NCOA1: variants seen among roughly 807,000 people sequenced by gnomAD.
NCOA1 encodes the protein Hin-2 protein.
NCOA1 carries 35 observed loss-of-function variants against 150.9 expected under a neutral mutation model. That is an observed-to-expected ratio of 0.23 (90% CI 0.18 to 0.31). The LOEUF is 0.31. Ranked by LOEUF, NCOA1 falls within the 10% of genes least tolerant of loss-of-function variation. The probability of loss-of-function intolerance (pLI) is 1.00; values close to 1 mark genes in which losing one functional copy is unlikely to be tolerated. For missense variants in NCOA1, 1,491 were observed against 1,749.3 expected (o/e 0.85, Z 2.63); for synonymous variants, 590 against 630.0 (o/e 0.94, Z 0.95).
rs544888353 is a variant in NCOA1, at chr2:24,500,116, C to CT, written c.-396+8523dup. On this transcript the variant is annotated intron_variant, in intron 1 of 22. Transcript: ENST00000348332. ...AGTTTCTTTTTTTCTTTCTTTCTTT[C>CT]TTTTTTTTTGAGAAGGAGTTTCGCT... Among the ~76,000 whole-genome samples, 13 of 151,164 alleles carry CT rather than the reference C, an allele frequency of 8.6e-5. No homozygotes were observed. The South Asian group carries it at 1.5e-3, about 17-fold the overall frequency.
chr2:24,705,628 A>G (rs2289392), intron 12 of NCOA1, among the ~76,000 whole-genome samples: 77,867 of 151,964 alleles, frequency 0.51, 21,515 homozygotes, highest in Admixed American at 0.67. Context: ...CAAGTTGACA[A>G]TTTCTCACAG....
intron 7 of NCOA1, among the ~76,000 whole-genome samples, chr2:24,681,243 A>G (rs1672149636): frequency 6.6e-6 from 1 of 152,210 alleles, no homozygotes; most frequent in South Asian, 2.1e-4. Flanking sequence ...ACATGCCTGT[A>G]ATCCCAGCTA....
At chr2:24,666,302 C>G (rs1671425433) in intron 6 of NCOA1, among the ~76,000 whole-genome samples, 1 of 152,086 alleles carries the variant, frequency 6.6e-6, no homozygotes, top group South Asian at 2.1e-4. Context: ...GCGTGAGCCA[C>G]CGCACCTGGC....
At chr2:24,551,355 C>G (rs768142895) in intron 1 of NCOA1, among the ~76,000 whole-genome samples, 2 of 151,988 alleles carry the variant, frequency 1.3e-5, no homozygotes, top group African/African-American at 2.4e-5. Flanking sequence ...GTCCTGAAAA[C>G]AAGTCCTTCA....
chr2:24,722,607 G>C (rs1333639009), intron 14 of NCOA1, among the ~76,000 whole-genome samples: 2 of 152,088 alleles, frequency 1.3e-5, no homozygotes, highest in Non-Finnish European at 2.9e-5. Flanking sequence ...TTTAAGCATT[G>C]ACATCACTGG....
intron 14 of NCOA1, among the ~76,000 whole-genome samples, chr2:24,723,223 T>G (rs1490275124): frequency 4.6e-5 from 7 of 152,318 alleles, no homozygotes; most frequent in African/African-American, 1.2e-4. Context: ...CATTAGCTGT[T>G]CTGTATCTTA....
At chr2:24,669,578 TACAA>T (rs1464622342) in intron 6 of NCOA1, among the ~76,000 whole-genome samples, 1 of 152,182 alleles carries the variant, frequency 6.6e-6, no homozygotes, top group African/African-American at 2.4e-5. Flanking sequence ...AGAACTTGCT[TACAA>T]ACAAAATCCT....
In NCOA1 at chr2:24,689,648, C is replaced by A. The variant is rs562665851; in HGVS notation, c.533-1833C>A. ...CCTCATGATCTGCCCGCCTCAGCCTCCCAAAGTGCTGGGATTACAGGCGTG... is the reference window on the plus strand; with the variant it reads ...CCTCATGATCTGCCCGCCTCAGCCTACCAAAGTGCTGGGATTACAGGCGTG... On this transcript the variant is annotated intron_variant, in intron 8 of 22. Transcript: ENST00000348332. Among the ~76,000 whole-genome samples the A allele has an allele frequency of 2.0e-5, 3 of 152,310 alleles. No individual in the cohort carries two copies. In the East Asian group the frequency reaches 5.8e-4, roughly 29 times the overall value.
intron 21 of NCOA1, among the ~76,000 whole-genome samples, chr2:24,758,830 A>C (rs1006825137): frequency 1.4e-5 from 2 of 146,292 alleles, no homozygotes; most frequent in East Asian, 2.0e-4. Flanking sequence ...AAAAAAAAAC[A>C]AACAAAAATT....
At chr2:24,615,890 A>G (rs572058973) in intron 3 of NCOA1, among the ~76,000 whole-genome samples, 1 of 152,334 alleles carries the variant, frequency 6.6e-6, no homozygotes, top group African/African-American at 2.4e-5. Context: ...GAAATTTGTC[A>G]TTACTACAAA....
At chr2:24,692,638 TCTAACCAA>T (rs1672716864) in intron 9 of NCOA1, among the ~76,000 whole-genome samples, 1 of 152,214 alleles carries the variant, frequency 6.6e-6, no homozygotes, top group African/African-American at 2.4e-5. Flanking sequence ...GCCACTTATA[TCTAACCAA>T]AACTACTACT....
At chr2:24,710,058 CTATT>C (rs1422237278) in intron 13 of NCOA1, among the ~76,000 whole-genome samples, 1 of 151,602 alleles carries the variant, frequency 6.6e-6, no homozygotes, top group Non-Finnish European at 1.5e-5. Flanking sequence ...TAGGAACTCC[CTATT>C]TATTCTTTTT....
At chr2:24,752,210 A>C in intron 20 of NCOA1, 54 bp downstream of exon 20, 2 of 1,564,604 alleles carry the variant, frequency 1.3e-6, no homozygotes, top group Non-Finnish European at 1.7e-6. Context: ...TAAATCCTTG[A>C]TACTGATAAA....
chr2:24,550,610 A>G (rs891342248), intron 1 of NCOA1, among the ~76,000 whole-genome samples: 1 of 152,218 alleles, frequency 6.6e-6, no homozygotes, highest in Admixed American at 6.5e-5. Context: ...ATGGGAATTC[A>G]AGATGAGATT....
chr2:24,568,885 G>A (rs1205380471), intron 2 of NCOA1, among the ~76,000 whole-genome samples: 1 of 152,162 alleles, frequency 6.6e-6, no homozygotes, highest in Non-Finnish European at 1.5e-5. Context: ...TGATACAGGT[G>A]TGTTACTGTT....
At chr2:24,662,954 A>AT (rs1182642121) in intron 5 of NCOA1, among the ~76,000 whole-genome samples, 11 of 126,542 alleles carry the variant, frequency 8.7e-5, no homozygotes, top group Admixed American at 3.9e-4. Context: ...CGCCTGGCTA[A>AT]TTTTTTTTTC....
intron 14 of NCOA1, among the ~76,000 whole-genome samples, chr2:24,723,891 T>C (rs543753592): frequency 5.9e-5 from 9 of 152,140 alleles, no homozygotes; most frequent in Admixed American, 5.2e-4. Flanking sequence ...CTGAAGAAAA[T>C]TAACTGTGAA....
At chr2:24,728,234 T>C in intron 15 of NCOA1, 74 bp from the exon 16 acceptor site, 1 of 1,342,912 alleles carries the variant, frequency 7.4e-7, no homozygotes, top group Non-Finnish European at 1.0e-6. Context: ...AATTTGCATC[T>C]ATATATGTAT....
rs748020535 is a variant in NCOA1 at position 24,729,516 on chromosome 2, G to T, written c.2902G>T (p.Val968Leu). ...DKLVQGGGLD[V>L]LSERFPPQQA... is the part of the protein sequence containing the mutation. ...TTTCTAACAGGGGGGTGGATTAGAT[G>T]TATTATCAGAGAGATTTCCACCACA... Residue 968 changes from valine (V) to leucine (L), a missense_variant, in exon 17 of 23, where the codon GTA (valine) becomes TTA (leucine). Physicochemically the swap from Val to Leu is conservative, Grantham distance 32. Transcript: ENST00000348332. 3 of 1,613,710 alleles carry T rather than the reference G, an allele frequency of 1.9e-6. No individual in the cohort carries two copies. Among genetic ancestry groups the T allele is most frequent in the Non-Finnish European group, 2.5e-6 (3 of 1,179,724 alleles).
Sources: allele counts gnomAD v4.1 joint callset (sites outside exome capture counted in the v4.1 genomes callset), GRCh38; gene constraint gnomAD v4.1.1; transcripts MANE v1.5; gene names NCBI Gene and HGNC (gene_info 2026-07-23, HGNC 2026-07-21).